Variants in CTNND1 observed in about 807,000 individuals in gnomAD.
CTNND1 encodes the protein catenin delta 1, also known as catenin delta-1.
CTNND1 carries 16 observed loss-of-function variants against 112.1 expected under a neutral mutation model. The ratio of observed to expected loss-of-function variants is 0.14; its 90% CI spans 0.10 to 0.22. CTNND1 has a LOEUF of 0.22. Ranked by LOEUF, CTNND1 falls within the 10% of genes least tolerant of loss-of-function variation. CTNND1 has a pLI of 1.00. For synonymous variants in CTNND1, 420 were observed against 446.5 expected (o/e 0.94, Z 0.75); for missense variants, 1,008 against 1,257.0 (o/e 0.80, Z 3.00).
chr11:57,794,228 G>A (rs2061093771), intron 4 of CTNND1, 147 bp downstream of exon 4: 3 of 698,634 alleles, frequency 4.3e-6, no homozygotes, highest in Non-Finnish European at 7.3e-6. Flanking sequence ...ACAAAGAAGT[G>A]GAGCTCCAAA....
rs771218774 is a variant in CTNND1 at position 57,809,390 on chromosome 11, G to T, written c.2359G>T (p.Ala787Ser). 1.9e-6 allele frequency: 3 copies of T among 1,613,966 alleles called. No individual in the cohort carries two copies. The highest frequency in any genetic ancestry group is 2.5e-6 in the Non-Finnish European group (3 of 1,179,864). The part of the protein sequence containing the change: ...SILNTINEVI[A>S]ENLEAAKKLR... ...TTTGAACACTATCAACGAGGTTATC[G>T]CTGAGAACTTGGAGGCTGCCAAAAA... Residue 787 changes from alanine to serine, a missense_variant, in exon 15 of 21, where the codon GCT becomes TCT. This residue lies in a region of CTNND1 where 254 missense variants were observed against 279.5 expected (regional missense o/e 0.91). Transcript: ENST00000399050.
chr11:57,776,842 T>C (rs1445172989), intron 1 of CTNND1, among the ~76,000 whole-genome samples: 1 of 152,212 alleles, frequency 6.6e-6, no homozygotes, highest in Admixed American at 6.5e-5. Flanking sequence ...CCTTTTGGAT[T>C]AGCAGCATTG....
chr11:57,776,028 G>C (rs1424521347), intron 1 of CTNND1, among the ~76,000 whole-genome samples: 1 of 152,170 alleles, frequency 6.6e-6, no homozygotes, highest in Non-Finnish European at 1.5e-5. Flanking sequence ...CATTTGACAC[G>C]GAGCGGGGTA....
In CTNND1 at chr11:57,761,980, C is replaced by T; in HGVS notation, c.-353C>T. ...CAACTGCCCTGCTGGATTTGTCTTT[C>T]TCAGCACCTTGGCGAAGCCTTGGGT... On this transcript the variant is annotated 5_prime_UTR_variant, in exon 1 of 21. Coordinates refer to ENST00000399050, the MANE Select transcript of CTNND1 (RefSeq NM_001085458.2). The T allele has an allele frequency of 1.0e-6, 1 of 985,456 alleles. No individual in the cohort carries two copies. The highest frequency in any genetic ancestry group is 1.2e-6 in the Non-Finnish European group (1 of 829,954). The allele number at this position is 985,456 out of a possible 1,614,324, so 61.0% of individuals were successfully genotyped here.
At chr11:57,782,830 G>A (rs1350117578) in intron 1 of CTNND1, among the ~76,000 whole-genome samples, 1 of 152,240 alleles carries the variant, frequency 6.6e-6, no homozygotes, top group Non-Finnish European at 1.5e-5. Context: ...GCCATATCCA[G>A]AATAATACAG....
intron 1 of CTNND1, among the ~76,000 whole-genome samples, chr11:57,773,362 G>A (rs1328356901): frequency 6.6e-6 from 1 of 151,924 alleles, no homozygotes; most frequent in Non-Finnish European, 1.5e-5. Context: ...CGAACTCCTG[G>A]GCTCAAGTGA....
At position 57,787,636 on chromosome 11, in the gene CTNND1, G is replaced by A. The variant is rs115785467; in HGVS notation, c.-213-1401G>A. On this transcript the variant is annotated intron_variant, in intron 1 of 20. Coordinates refer to ENST00000399050, the MANE Select transcript of CTNND1 (RefSeq NM_001085458.2). ...CATCTTACAAGTGAGAATATGACAG[G>A]GTTTACTGCCATTGTTGGGTAGTAG... 3.0e-3 allele frequency among the ~76,000 whole-genome samples: 459 copies of A among 152,238 alleles called. 4 individuals are homozygous for A. The highest frequency in any genetic ancestry group is 0.011 in the African/African-American group (441 of 41,540).
chr11:57,803,601 T>G lies in CTNND1; in HGVS notation c.1421-20T>G. 6.3e-7 allele frequency: 1 copy of G among 1,592,712 alleles called. No homozygotes were observed. The highest frequency in any genetic ancestry group is 8.6e-7 in the Non-Finnish European group (1 of 1,167,966). On this transcript the variant is annotated intron_variant, in intron 7 of 20. Transcript: ENST00000399050. ...TTGTCTTGAATGCTCAAGAGCCATC[T>G]GATGAATTGTCTCTTCCAGGAACCC...
chr11:57,786,031 A>G (rs1398583340), intron 1 of CTNND1, among the ~76,000 whole-genome samples: 2 of 152,074 alleles, frequency 1.3e-5, no homozygotes, highest in Non-Finnish European at 2.9e-5. Flanking sequence ...ACTCTGGGTA[A>G]TAGCAGGAAT....
At chr11:57,801,442 T>G (rs1455101843) in intron 6 of CTNND1, among the ~76,000 whole-genome samples, 9 of 152,234 alleles carry the variant, frequency 5.9e-5, no homozygotes, top group Admixed American at 5.9e-4. Context: ...AGGATTTGGT[T>G]CTTTCTTTTT....
chr11:57,800,212 C>G (rs936294550), intron 6 of CTNND1, among the ~76,000 whole-genome samples: 2 of 151,126 alleles, frequency 1.3e-5, no homozygotes, highest in African/African-American at 4.9e-5. Flanking sequence ...TTTGTTTTAC[C>G]AGCTGTTTGG....
intron 15 of CTNND1, among the ~76,000 whole-genome samples, 184 bp from the exon 16 acceptor site, chr11:57,809,925 G>A (rs1321441633): frequency 1.3e-5 from 2 of 152,036 alleles, no homozygotes; most frequent in Non-Finnish European, 2.9e-5. Flanking sequence ...TAGCCAAGAT[G>A]GTCTCCATCT....
chr11:57,797,050 C>T (rs2061418080), intron 6 of CTNND1, 58 bp downstream of exon 6: 1 of 1,377,496 alleles, frequency 7.3e-7, no homozygotes, highest in East Asian at 2.4e-5. Flanking sequence ...CAAGGGGTAG[C>T]TTTTCCTTCA....
Position 57,815,573 on chromosome 11 carries a change from CAAAA to C in CTNND1, c.2808+78_2808+81del, listed in dbSNP as rs761494462. The stretch of plus-strand genomic sequence containing the variant: ...TGAAGCCTATGTGTTTTGTGAAACA[CAAAA>C]AAAAGTACAGAGAAAGATCGCATCC... On this transcript the variant is annotated intron_variant, in intron 19 of 20. Coordinates refer to ENST00000399050, the MANE Select transcript of CTNND1 (RefSeq NM_001085458.2). 2.3e-5 allele frequency: 28 copies of C among 1,243,614 alleles called. No homozygotes were observed. In the Admixed American group the frequency reaches 3.2e-4, roughly 14 times the overall value. 77.0% of individuals were successfully genotyped at this position (1,243,614 alleles called of 1,614,324 possible).
Position 57,817,720 on chromosome 11 carries a change from AG to A in CTNND1, c.*1414del, listed in dbSNP as rs1210113321. On this transcript the variant is annotated 3_prime_UTR_variant, in exon 21 of 21. Coordinates refer to ENST00000399050, the MANE Select transcript of CTNND1 (RefSeq NM_001085458.2). ...GCCCAGAATTTACCATCATCTCTGA[AG>A]GAGTTACAGGGAAGTGGTCTCCCCA... 1 of 152,604 alleles carries A rather than the reference AG, an allele frequency of 6.6e-6. No homozygotes were observed. Among genetic ancestry groups the A allele is most frequent in the Non-Finnish European group, 1.5e-5 (1 of 68,040 alleles). The allele number at this position is 152,604 out of a possible 1,614,324, so 9.5% of individuals were successfully genotyped here.
At chr11:57,797,825 A>C (rs1357758312) in intron 6 of CTNND1, among the ~76,000 whole-genome samples, 2 of 123,036 alleles carry the variant, frequency 1.6e-5, no homozygotes, top group Non-Finnish European at 3.3e-5. Flanking sequence ...CTGGGCAACA[A>C]GAGCGAAACT....
chr11:57,799,216 C>T (rs929687062), intron 6 of CTNND1, among the ~76,000 whole-genome samples: 6 of 152,214 alleles, frequency 3.9e-5, no homozygotes, highest in African/African-American at 1.2e-4. Flanking sequence ...CACCAGACCT[C>T]GGCTGGTGCA....
At chr11:57,769,055 C>T (rs1223177337) in intron 1 of CTNND1, among the ~76,000 whole-genome samples, 2 of 151,578 alleles carry the variant, frequency 1.3e-5, no homozygotes, top group African/African-American at 2.4e-5. Context: ...ACCTGTAATC[C>T]CAGCACTTTG....
intron 18 of CTNND1, 64 bp downstream of exon 18, chr11:57,814,437 A>T: frequency 7.8e-7 from 1 of 1,280,344 alleles, no homozygotes; most frequent in Middle Eastern, 1.8e-4. Context: ...AGAGCTGTCT[A>T]GCTCTATAGT....
Sources: gnomAD v4.1 joint callset for allele counts (sites outside exome capture counted in the v4.1 genomes callset) on GRCh38, gnomAD v4.1.1 for gene constraint, gnomAD v4.1.1 regional missense constraint, MANE v1.5 for transcripts, NCBI Gene and HGNC (gene_info 2026-07-23, HGNC 2026-07-21) for gene names.